Variants in DRC10 observed in about 807,000 individuals in gnomAD.
DRC10 encodes dynein regulatory complex subunit 10, also known as IQ domain-containing protein D.
the DRC10 span, among the ~76,000 whole-genome samples, chr12:113,214,289 A>G: frequency 6.6e-6 from 1 of 152,072 alleles, no homozygotes; most frequent in Non-Finnish European, 1.5e-5. Context: ...CAGGTGGATC[A>G]CCTGAGGTCA....
At chr12:113,199,554 G>A in the DRC10 span, among the ~76,000 whole-genome samples, 1 of 152,164 alleles carries the variant, frequency 6.6e-6, no homozygotes, top group African/African-American at 2.4e-5. Context: ...TTCTTTCTGG[G>A]GGAGAGGCCC....
At chr12:113,208,370 C>T in the DRC10 span, 37 of 1,384,020 alleles carry the variant, frequency 2.7e-5, no homozygotes, top group African/African-American at 4.5e-4. Context: ...GGTCCTCTGT[C>T]GCTTTTACAC....
the DRC10 span, among the ~76,000 whole-genome samples, chr12:113,215,581 C>T: frequency 6.6e-6 from 1 of 151,970 alleles, no homozygotes; most frequent in Non-Finnish European, 1.5e-5. Flanking sequence ...TGTTAGTGAC[C>T]GAAGAAGACC....
At chr12:113,219,224 C>T in the DRC10 span, among the ~76,000 whole-genome samples, 1 of 151,906 alleles carries the variant, frequency 6.6e-6, no homozygotes, top group Admixed American at 6.6e-5. Flanking sequence ...TTAGTAGAGA[C>T]GGGGTTTTGC....
At chr12:113,214,410 G>C in the DRC10 span, among the ~76,000 whole-genome samples, 1 of 150,858 alleles carries the variant, frequency 6.6e-6, no homozygotes, top group Admixed American at 6.6e-5. Context: ...GGAGGCTGAG[G>C]CAGGAGAATC....
chr12:113,195,787 G>C, the DRC10 span: 1 of 1,613,814 alleles, frequency 6.2e-7, no homozygotes, highest in South Asian at 1.1e-5. Flanking sequence ...CGCTCTTCCC[G>C]GATCTGCGCA....
chr12:113,202,493 C>G, the DRC10 span, among the ~76,000 whole-genome samples: 1,867 of 152,278 alleles, frequency 0.012, 48 homozygotes, highest in African/African-American at 0.042. Flanking sequence ...TCTGCTCTCC[C>G]CAGAGAGGCT....
the DRC10 span, among the ~76,000 whole-genome samples, chr12:113,219,129 G>C: frequency 6.6e-6 from 1 of 152,060 alleles, no homozygotes; most frequent in Non-Finnish European, 1.5e-5. Context: ...TCCGCCTCCT[G>C]GGTTCAGGTG....
the DRC10 span, among the ~76,000 whole-genome samples, chr12:113,220,175 T>A: frequency 6.6e-6 from 1 of 151,904 alleles, no homozygotes; most frequent in Non-Finnish European, 1.5e-5. Context: ...GTAGGTACAA[T>A]GAGATCACAT....
the DRC10 span, among the ~76,000 whole-genome samples, chr12:113,219,486 G>A: frequency 6.6e-6 from 1 of 152,052 alleles, no homozygotes; most frequent in East Asian, 1.9e-4. Context: ...ATTTTTAAAT[G>A]TCTACTCAAC....
the DRC10 span, chr12:113,208,229 G>C: frequency 6.5e-7 from 1 of 1,529,468 alleles, no homozygotes; most frequent in Non-Finnish European, 8.7e-7. Flanking sequence ...TAGACTACTT[G>C]GGTCTCGTGC....
At chr12:113,202,614 C>T in the DRC10 span, among the ~76,000 whole-genome samples, 76 of 152,304 alleles carry the variant, frequency 5.0e-4, no homozygotes, top group Admixed American at 3.2e-3. Flanking sequence ...TTCTGTGTGC[C>T]ACCTCCACAC....
chr12:113,218,870 T>C, the DRC10 span, among the ~76,000 whole-genome samples: 1 of 152,244 alleles, frequency 6.6e-6, no homozygotes, highest in South Asian at 2.1e-4. Context: ...AGTTATTTAT[T>C]TATTCACCTG....
chr12:113,201,272 A>T, the DRC10 span, among the ~76,000 whole-genome samples: 1 of 152,232 alleles, frequency 6.6e-6, no homozygotes, highest in Non-Finnish European at 1.5e-5. Context: ...AATGGAGGTC[A>T]GGGACAGCCT....
chr12:113,208,506 C>T, the DRC10 span: 1 of 301,784 alleles, frequency 3.3e-6, no homozygotes, highest in South Asian at 6.1e-5. Context: ...ATACAGACAG[C>T]ATTCTAAGGA....
chr12:113,203,033 C>G, the DRC10 span: 3 of 455,304 alleles, frequency 6.6e-6, no homozygotes, highest in South Asian at 4.7e-5. Flanking sequence ...CTACTGTTTC[C>G]CTTTTTTTTT....
chr12:113,200,802 C>G, the DRC10 span: 1 of 1,531,120 alleles, frequency 6.5e-7, no homozygotes, highest in Non-Finnish European at 8.7e-7. Flanking sequence ...TCACAAAGTT[C>G]TCCTTTTCCA....
chr12:113,209,510 G>C, the DRC10 span, among the ~76,000 whole-genome samples: 14 of 152,252 alleles, frequency 9.2e-5, no homozygotes, highest in East Asian at 2.7e-3. Flanking sequence ...TCCTGTCTCA[G>C]CCTCTCAAGT....
the DRC10 span, among the ~76,000 whole-genome samples, chr12:113,213,130 A>G: frequency 5.3e-5 from 8 of 150,736 alleles, no homozygotes; most frequent in African/African-American, 1.9e-4. Context: ...ACACTTAACA[A>G]CTACCCTACA....
Sources: gnomAD v4.1 joint callset for allele counts (sites outside exome capture counted in the v4.1 genomes callset) on GRCh38, gnomAD v4.1.1 for gene constraint, MANE v1.5 for transcripts, NCBI Gene and HGNC (gene_info 2026-07-23, HGNC 2026-07-21) for gene names.